The following SLC30A7 variants were observed in gnomAD, a reference collection of about 807,000 sequenced individuals.
SLC30A7 encodes zinc transporter 7.
SLC30A7 carries 35 observed loss-of-function variants against 46.0 expected under a neutral mutation model. The observed-to-expected ratio is 0.76, with a 90% CI of 0.58 to 1.01. The LOEUF (loss-of-function observed/expected upper bound fraction) is 1.01, where lower values mean the gene tolerates loss of function less well. Ranked by LOEUF, SLC30A7 falls within the 50% of genes least tolerant of loss-of-function variation. SLC30A7 has a pLI of 0.00. For synonymous variants in SLC30A7, 147 were observed against 157.8 expected (o/e 0.93, Z 0.51); for missense variants, 464 against 451.1 (o/e 1.03, Z -0.26).
At chr1:100,973,803 A>G (rs1419064157) in intron 10 of SLC30A7, among the ~76,000 whole-genome samples, 1 of 152,172 alleles carries the variant, frequency 6.6e-6, no homozygotes, top group Non-Finnish European at 1.5e-5. Context: ...AAGGGAAAAT[A>G]TATATATCTA....
intron 9 of SLC30A7, among the ~76,000 whole-genome samples, chr1:100,964,227 T>TTATA (rs995643818): frequency 1.4e-5 from 2 of 141,252 alleles, no homozygotes; most frequent in Non-Finnish European, 3.0e-5. Flanking sequence ...ACTAATTGTT[T>TTATA]TATATATATA....
At chr1:100,988,374 A>G in the SLC30A7 span, among the ~76,000 whole-genome samples, 2 of 152,172 alleles carry the variant, frequency 1.3e-5, no homozygotes, top group Non-Finnish European at 2.9e-5. Context: ...ATTGTTTATT[A>G]TATTTTGTCC....
At chr1:100,992,774 G>T in the SLC30A7 span, 2 of 1,424,594 alleles carry the variant, frequency 1.4e-6, no homozygotes, top group South Asian at 1.2e-5. Context: ...ACTGTTCTTA[G>T]CCATGAAACT....
chr1:100,986,239 G>A (rs757649383), downstream of SLC30A7, among the ~76,000 whole-genome samples: 2 of 151,942 alleles, frequency 1.3e-5, no homozygotes, highest in Admixed American at 6.6e-5. Flanking sequence ...GAGAAACCCC[G>A]CCTCTTCTAA....
chr1:100,961,414 A>G (rs1207858778), intron 8 of SLC30A7, among the ~76,000 whole-genome samples: 2 of 152,152 alleles, frequency 1.3e-5, no homozygotes, highest in Non-Finnish European at 2.9e-5. Context: ...CCAGGCTTCT[A>G]TATTTTTTAA....
Position 100,959,119 on chromosome 1 carries a change from G to A in SLC30A7, c.843-2709G>A, listed in dbSNP as rs541167705. On this transcript the variant is annotated intron_variant, in intron 8 of 10. Coordinates refer to ENST00000357650, the MANE Select transcript of SLC30A7 (RefSeq NM_133496.5). ...GTTATATTTGGAGAGTTTAAAATAT[G>A]AAGCAAGGATTAATAGGAGGTGAAG... 2.6e-5 allele frequency among the ~76,000 whole-genome samples: 4 copies of A among 152,286 alleles called. No individual in the cohort carries two copies. The South Asian group carries it at 8.3e-4, about 32-fold the overall frequency.
chr1:100,985,831 A>C (rs1657234204), downstream of SLC30A7, among the ~76,000 whole-genome samples: 1 of 152,246 alleles, frequency 6.6e-6, no homozygotes, highest in Non-Finnish European at 1.5e-5. Context: ...AACTGGATTT[A>C]ATCAAAATTT....
chr1:100,943,010 G>C (rs1192108695), intron 8 of SLC30A7, among the ~76,000 whole-genome samples: 1 of 152,108 alleles, frequency 6.6e-6, no homozygotes, highest in Non-Finnish European at 1.5e-5. Context: ...TTCCTTTAAG[G>C]CTCAAAATGT....
intron 8 of SLC30A7, among the ~76,000 whole-genome samples, chr1:100,922,871 C>T (rs1653031956): frequency 6.6e-6 from 1 of 151,914 alleles, no homozygotes; most frequent in Non-Finnish European, 1.5e-5. Flanking sequence ...TACATATACA[C>T]TGTATATGTC....
chr1:100,988,364 A>G, the SLC30A7 span, among the ~76,000 whole-genome samples: 2 of 152,272 alleles, frequency 1.3e-5, no homozygotes, highest in South Asian at 2.1e-4. Context: ...TTTTTAGACC[A>G]TTGTTTATTA....
At chr1:100,926,812 A>C (rs1293248907) in intron 8 of SLC30A7, among the ~76,000 whole-genome samples, 1 of 152,194 alleles carries the variant, frequency 6.6e-6, no homozygotes, top group African/African-American at 2.4e-5. Flanking sequence ...GGAGACAGTC[A>C]ATAAAGCAAA....
intron 7 of SLC30A7, among the ~76,000 whole-genome samples, chr1:100,918,353 T>G (rs919822999): frequency 6.6e-6 from 1 of 152,214 alleles, no homozygotes; most frequent in Non-Finnish European, 1.5e-5. Flanking sequence ...AAGCAAAATA[T>G]AGAGCTGGGT....
intron 9 of SLC30A7, among the ~76,000 whole-genome samples, chr1:100,963,806 A>G (rs1558006992): frequency 6.6e-6 from 1 of 152,194 alleles, no homozygotes; most frequent in Admixed American, 6.5e-5. Flanking sequence ...GCATAGTTCT[A>G]GAACATGTGC....
chr1:100,968,477 G>A (rs1655981583), intron 10 of SLC30A7, among the ~76,000 whole-genome samples: 1 of 151,258 alleles, frequency 6.6e-6, no homozygotes, highest in Non-Finnish European at 1.5e-5. Context: ...AAAAAAAAAT[G>A]TTTTTTTCCA....
At chr1:100,912,859 C>T (rs1264454401) in intron 5 of SLC30A7, among the ~76,000 whole-genome samples, 2 of 148,498 alleles carry the variant, frequency 1.3e-5, no homozygotes, top group African/African-American at 5.0e-5. Context: ...ACCTGGGTGA[C>T]AGAGCAAGAC....
At chr1:100,953,145 A>C (rs1247771995) in intron 8 of SLC30A7, among the ~76,000 whole-genome samples, 1 of 151,882 alleles carries the variant, frequency 6.6e-6, no homozygotes, top group East Asian at 1.9e-4. Context: ...TGTCTTCTTC[A>C]CCTTCTGCCA....
At position 100,906,871 on chromosome 1, in the gene SLC30A7, T is replaced by A. The variant is rs1651710310; in HGVS notation, c.202T>A (p.Ser68Thr). Reference sequence around the variant, plus strand: ...TTCCAGCTTAGGCTTGATTTCCGACTCTTTTCACATGTTTTTCGATAGCAC... The same window carrying A: ...TTCCAGCTTAGGCTTGATTTCCGACACTTTTCACATGTTTTTCGATAGCAC... ...WSNCLGLISD[S>T]FHMFFDSTAI... Residue 68 changes from serine to threonine, a missense_variant, in exon 3 of 11, where the codon TCT becomes ACT. Ser to Thr is a moderately conservative substitution (Grantham distance 58). Transcript: ENST00000357650. 1 of 1,613,176 alleles carries A rather than the reference T, an allele frequency of 6.2e-7. No individual in the cohort carries two copies. The highest frequency in any genetic ancestry group is 8.5e-7 in the Non-Finnish European group (1 of 1,179,318).
At chr1:100,916,939 G>A (rs1474058638) in intron 6 of SLC30A7, among the ~76,000 whole-genome samples, 2 of 151,992 alleles carry the variant, frequency 1.3e-5, no homozygotes, top group Non-Finnish European at 2.9e-5. Flanking sequence ...TGTGAGTTCT[G>A]TATATATTTT....
chr1:100,948,249 T>C (rs1024851969), intron 8 of SLC30A7, among the ~76,000 whole-genome samples: 1 of 151,724 alleles, frequency 6.6e-6, no homozygotes, highest in Admixed American at 6.6e-5. Flanking sequence ...GCCCACAGAA[T>C]CTCTCCACAT....
Sources: gnomAD v4.1 joint callset for allele counts (sites outside exome capture counted in the v4.1 genomes callset) on GRCh38, gnomAD v4.1.1 for gene constraint, MANE v1.5 for transcripts, NCBI Gene and HGNC (gene_info 2026-07-23, HGNC 2026-07-21) for gene names.